ABCC6: variants seen among roughly 807,000 people sequenced by gnomAD.
ABCC6 encodes the protein ATP binding cassette subfamily C member 6.
Under a neutral mutation model 169.5 loss-of-function variants are expected in ABCC6, and 126 were observed. The observed-to-expected ratio is 0.74, with a 90% CI of 0.64 to 0.86. The LOEUF is 0.86. ABCC6 is among the 40% of genes least tolerant of loss of function. ABCC6 has a pLI of 0.00. For missense variants in ABCC6, 1,733 were observed against 1,927.2 expected, an observed-to-expected ratio of 0.90 and a Z score of 1.89; for synonymous variants, 752 against 814.7, an observed-to-expected ratio of 0.92 and a Z score of 1.31.
intron 29 of ABCC6, among the ~76,000 whole-genome samples, chr16:16,151,884 C>T (rs189789967): frequency 7.2e-5 from 11 of 152,046 alleles, no homozygotes; most frequent in East Asian, 3.9e-4. Context: ...TGAATCGTGA[C>T]GACATGGCAC....
intron 5 of ABCC6, among the ~76,000 whole-genome samples, chr16:16,212,615 G>A (rs548968598): frequency 6.6e-5 from 10 of 151,234 alleles, no homozygotes; most frequent in East Asian, 5.8e-4. Context: ...CAGCCCTGAC[G>A]GTGTATTTAG....
chr16:16,197,980 G>C (rs1396314241), intron 10 of ABCC6, 41 bp downstream of exon 10: 2 of 1,589,440 alleles, frequency 1.3e-6, no homozygotes, highest in African/African-American at 2.7e-5. Flanking sequence ...AGGAGGGGGT[G>C]GGGGACTCCG....
intron 10 of ABCC6, among the ~76,000 whole-genome samples, chr16:16,194,971 C>A (rs560252304): frequency 1.8e-4 from 28 of 152,174 alleles, no homozygotes; most frequent in African/African-American, 6.7e-4. Context: ...TGAGCCACCC[C>A]ACCTGGCCTG....
intron 20 of ABCC6, among the ~76,000 whole-genome samples, chr16:16,174,335 A>C (rs2047202160): frequency 6.6e-6 from 1 of 152,020 alleles, no homozygotes; most frequent in Non-Finnish European, 1.5e-5. Flanking sequence ...TCTGTACCTC[A>C]CTTCTGTTTT....
chr16:16,181,287 G>A lies in ABCC6; in HGVS notation c.2247+1125C>T, dbSNP rs2047460202. ...GAACTCAGGAGGTGGAGGTTACAGT[G>A]AGCCAAGATTGTGCCACTGCACTCC... On this transcript the variant is annotated intron_variant, in intron 17 of 30. Coordinates refer to ENST00000205557, the MANE Select transcript of ABCC6 (RefSeq NM_001171.6). Among the ~76,000 whole-genome samples, 3 of 149,128 alleles carry A rather than the reference G, an allele frequency of 2.0e-5. No homozygotes were observed. The South Asian group carries it at 6.6e-4, about 33-fold the overall frequency.
chr16:16,171,453 C>A, intron 21 of ABCC6, among the ~76,000 whole-genome samples: 1 of 152,212 alleles, frequency 6.6e-6, no homozygotes, highest in East Asian at 1.9e-4. Context: ...TATTTACTCT[C>A]CGTCTATCCT....
At chr16:16,180,853 G>T (rs2047442893) in intron 17 of ABCC6, among the ~76,000 whole-genome samples, 1 of 152,146 alleles carries the variant, frequency 6.6e-6, no homozygotes, top group South Asian at 2.1e-4. Flanking sequence ...CATAAACCAG[G>T]CATGGTTCTA....
intron 7 of ABCC6, among the ~76,000 whole-genome samples, chr16:16,205,793 T>G (rs1478285717): frequency 6.6e-6 from 1 of 152,166 alleles, no homozygotes; most frequent in Non-Finnish European, 1.5e-5. Flanking sequence ...GTCCCTAGTA[T>G]AGAGTCCAGC....
At chr16:16,175,581 G>C (rs2047253023) in intron 20 of ABCC6, among the ~76,000 whole-genome samples, 1 of 152,164 alleles carries the variant, frequency 6.6e-6, no homozygotes, top group Admixed American at 6.5e-5. Context: ...TGGCATGGTG[G>C]TTTACAGCTA....
chr16:16,202,465 C>T lies in ABCC6; in HGVS notation c.999-287G>A, dbSNP rs184980166. ...TCACAAAGTTTATATGTTGAAGCCC[C>T]GACCCCCAGTACCTCTGAATGTGAC... On this transcript the variant is annotated intron_variant, in intron 8 of 30. Coordinates refer to ENST00000205557, the MANE Select transcript of ABCC6 (RefSeq NM_001171.6). 6.0e-3 allele frequency among the ~76,000 whole-genome samples: 916 copies of T among 152,198 alleles called. 13 individuals are homozygous for T. Among genetic ancestry groups the T allele is most frequent in the Non-Finnish European group, 5.6e-3 (379 of 68,028 alleles).
At chr16:16,199,260 C>T (rs573601060) in intron 9 of ABCC6, among the ~76,000 whole-genome samples, 1 of 147,750 alleles carries the variant, frequency 6.8e-6, no homozygotes, top group East Asian at 2.0e-4. Context: ...AGAGACATCT[C>T]GATTTTGGAA....
At chr16:16,190,494 T>G (rs1383242758) in intron 11 of ABCC6, 127 bp from the exon 12 acceptor site, 1 of 991,154 alleles carries the variant, frequency 1.0e-6, no homozygotes, top group Non-Finnish European at 1.5e-6. Flanking sequence ...TGTCTGCCTC[T>G]CAGCACCTCT....
chr16:16,197,885 C>T (rs1289647045), intron 10 of ABCC6, 136 bp downstream of exon 10: 2 of 1,061,058 alleles, frequency 1.9e-6, no homozygotes, highest in Admixed American at 4.1e-5. Flanking sequence ...TTGCCCTAAC[C>T]CTGGGGTCAC....
chr16:16,210,213 C>T (rs932450575), intron 6 of ABCC6, among the ~76,000 whole-genome samples: 5 of 151,780 alleles, frequency 3.3e-5, no homozygotes, highest in Non-Finnish European at 5.9e-5. Context: ...CTCGGCTCAC[C>T]GCAACCTCCA....
rs63750622 is a variant in ABCC6 at position 16,154,898 on chromosome 16, C to A, written c.4016G>T (p.Arg1339Leu). The A allele has an allele frequency of 6.2e-7, 1 of 1,612,084 alleles. No homozygotes were observed. Among genetic ancestry groups the A allele is most frequent in the Non-Finnish European group, 8.5e-7 (1 of 1,179,266 alleles). Residue 1339 changes from arginine to leucine, a missense_variant, in exon 28 of 31, where the codon CGC becomes CTC. Coordinates refer to ENST00000205557, the MANE Select transcript of ABCC6 (RefSeq NM_001171.6). ...CTGGGGGATGATGCTGATCCTGGAG[C>A]GCAGTGTGTGCAGCCCCACGTGGGC... ...PIAHVGLHTL[R>L]SRISIIPQDP... is the part of the protein sequence containing the mutation.
intron 21 of ABCC6, 147 bp from the exon 22 acceptor site, chr16:16,170,000 C>G (rs2047006470): frequency 1.3e-6 from 1 of 794,120 alleles, no homozygotes; most frequent in Non-Finnish European, 2.1e-6. Flanking sequence ...GCTGTGCCTC[C>G]CACCAGAAGC....
In ABCC6 at chr16:16,150,614, A is replaced by G. The variant is rs1596579802; in HGVS notation, c.4367T>C (p.Ile1456Thr). The change falls in exon 30 of 31, where the codon ATT becomes ACT. Residue 1456 changes from isoleucine to threonine, a missense_variant. By Grantham distance (89) the Ile-to-Thr change is moderately conservative (BLOSUM62 -1). Transcript: ENST00000205557. ...SWFAQCTVLL[I>T]AHRLRSVMDC... ...CATCACGGAGCGCAGGCGGTGGGCAATGAGCAGCACAGTGCACTGTGCAAA... is the reference window on the plus strand; with the variant it reads ...CATCACGGAGCGCAGGCGGTGGGCAGTGAGCAGCACAGTGCACTGTGCAAA... 1.2e-6 allele frequency: 2 copies of G among 1,612,674 alleles called. No homozygotes were observed. Among genetic ancestry groups the G allele is most frequent in the East Asian group, 2.2e-5 (1 of 44,856 alleles).
At chr16:16,166,909 A>ACAAT (rs1291395125) in intron 22 of ABCC6, among the ~76,000 whole-genome samples, 2 of 151,056 alleles carry the variant, frequency 1.3e-5, no homozygotes, top group African/African-American at 4.9e-5. Context: ...GAAAAAACAA[A>ACAAT]CAAACAAACA....
At chr16:16,191,409 G>C (rs562733782) in intron 11 of ABCC6, among the ~76,000 whole-genome samples, 24 of 152,028 alleles carry the variant, frequency 1.6e-4, no homozygotes, top group Non-Finnish European at 2.5e-4. Flanking sequence ...GCCTCCCAAA[G>C]TGCTGGGATT....
Sources: gnomAD v4.1 joint callset for allele counts (sites outside exome capture counted in the v4.1 genomes callset) on GRCh38, gnomAD v4.1.1 for gene constraint, MANE v1.5 for transcripts, NCBI Gene and HGNC (gene_info 2026-07-23, HGNC 2026-07-21) for gene names.